TACC1: variants seen among roughly 807,000 people sequenced by gnomAD.
TACC1 encodes transforming acidic coiled-coil containing protein 1, also known as transforming acidic coiled-coil-containing protein 1.
A neutral mutation model predicts 84.4 loss-of-function variants in TACC1; 48 were observed. The observed-to-expected ratio is 0.57, with a 90% CI of 0.45 to 0.72. The LOEUF is 0.72. Among genes scored for constraint, TACC1 ranks in the 30% least tolerant of loss-of-function variants. The pLI, the probability that TACC1 is intolerant of heterozygous loss-of-function variation, is 0.00. For synonymous variants in TACC1, 372 were observed against 376.3 expected, an observed-to-expected ratio of 0.99 and a Z score of 0.13; for missense variants, 920 against 973.0, an observed-to-expected ratio of 0.95 and a Z score of 0.72.
At chr8:38,819,274 T>A (rs545476818) in intron 2 of TACC1, among the ~76,000 whole-genome samples, 1 of 152,354 alleles carries the variant, frequency 6.6e-6, no homozygotes, top group South Asian at 2.1e-4. Flanking sequence ...AATAGCTCTT[T>A]TGGTGTACTT....
chr8:38,837,516 C>T (rs571595336), intron 7 of TACC1, among the ~76,000 whole-genome samples: 9 of 152,192 alleles, frequency 5.9e-5, no homozygotes, highest in Middle Eastern at 3.2e-3. Context: ...GCCTCGAACT[C>T]CTAGGGTCAA....
intron 1 of TACC1, among the ~76,000 whole-genome samples, chr8:38,728,884 C>T (rs918796030): frequency 2.6e-5 from 4 of 152,154 alleles, no homozygotes; most frequent in Non-Finnish European, 4.4e-5. Context: ...TCTGGAACCA[C>T]GTATTTTGTT....
At chr8:38,808,596 G>A (rs770339841) in intron 2 of TACC1, among the ~76,000 whole-genome samples, 9 of 152,132 alleles carry the variant, frequency 5.9e-5, no homozygotes, top group African/African-American at 1.2e-4. Flanking sequence ...TTTATTTTTT[G>A]TAGAGATGGG....
intron 1 of TACC1, among the ~76,000 whole-genome samples, chr8:38,731,145 C>T (rs1435462242): frequency 6.9e-6 from 1 of 145,850 alleles, no homozygotes; most frequent in Non-Finnish European, 1.5e-5. Flanking sequence ...CCCTATGTTG[C>T]CCAGGCTGGT....
Position 38,820,446 on chromosome 8 carries a change from C to G in TACC1, c.1202C>G (p.Ser401Cys), listed in dbSNP as rs759126531. 6.2e-7 allele frequency: 1 copy of G among 1,614,218 alleles called. No homozygotes were observed. The highest frequency in any genetic ancestry group is 8.5e-7 in the Non-Finnish European group (1 of 1,180,018). The change falls in exon 3 of 13, where the codon TCT becomes TGT. Residue 401 changes from serine (S) to cysteine (C), a missense_variant. Around this residue, in one of 2 missense-constraint regions of TACC1, gnomAD observed 762 missense variants for 747.3 expected, o/e 1.02. Coordinates refer to ENST00000317827, the MANE Select transcript of TACC1 (RefSeq NM_006283.3). ...SPSFNPFGSH[S>C]VLQNSPPLSS... is the part of the protein sequence containing the mutation. ...AGCTTCAACCCCTTTGGGAGCCACT[C>G]TGTTCTGCAGAACTCCCCACCCCTC...
rs1358819048 is a variant in TACC1, at chr8:38,852,068, G to C, written c.*4045G>C. On this transcript the variant is annotated 3_prime_UTR_variant, in exon 13 of 13. Coordinates refer to ENST00000317827, the MANE Select transcript of TACC1 (RefSeq NM_006283.3). ...GGATCTCCTCTGGAAGAGACTATCA[G>C]CGGCAGCATTCTCCAGGGAAGACCC... 1.2e-5 allele frequency: 5 copies of C among 412,078 alleles called. No individual in the cohort carries two copies. Among genetic ancestry groups the C allele is most frequent in the Non-Finnish European group, 2.5e-5 (5 of 202,146 alleles). 25.5% of individuals were successfully genotyped at this position (412,078 alleles called of 1,614,324 possible). A position where few individuals can be genotyped will look rare whatever the true frequency, so the allele number is the denominator to read the frequency against.
chr8:38,804,314 T>G (rs1822130385), intron 2 of TACC1, among the ~76,000 whole-genome samples: 1 of 152,176 alleles, frequency 6.6e-6, no homozygotes, highest in Non-Finnish European at 1.5e-5. Context: ...TTTTTTTCTT[T>G]TTGGGATGGA....
chr8:38,813,645 G>A (rs1303079490), intron 2 of TACC1, among the ~76,000 whole-genome samples: 2 of 152,168 alleles, frequency 1.3e-5, no homozygotes, highest in African/African-American at 2.4e-5. Flanking sequence ...TGGTTGCTCA[G>A]GTAGGTCTCT....
At chr8:38,794,878 C>G (rs1027407133) in intron 2 of TACC1, among the ~76,000 whole-genome samples, 1 of 152,184 alleles carries the variant, frequency 6.6e-6, no homozygotes, top group East Asian at 1.9e-4. Context: ...TCAACAGCAT[C>G]GCAGCCTAAT....
In TACC1 at chr8:38,838,470, A is replaced by G. The variant is rs372334215; in HGVS notation, c.1840A>G (p.Ile614Val). ...AAAACTAAGCTTTATTGTACTCTAG[A>G]TAATTACTAAAGAGATTGAAGCAAA... ...TAVLTLIREE[I>V]ITKEIEANEW... is the part of the protein sequence containing the mutation. Residue 614 changes from isoleucine to valine, a missense_variant and splice_region_variant, in exon 8 of 13, where the codon ATA (isoleucine) becomes GTA (valine). By Grantham distance (29) the Ile-to-Val change is conservative. Coordinates refer to ENST00000317827, the MANE Select transcript of TACC1 (RefSeq NM_006283.3). 6 of 1,610,858 alleles carry G rather than the reference A, an allele frequency of 3.7e-6. No homozygotes were observed. The highest frequency in any genetic ancestry group is 5.1e-6 in the Non-Finnish European group (6 of 1,177,204).
rs191422632 is a variant in TACC1, at chr8:38,809,485, G to A, written c.278-10037G>A. Among the ~76,000 whole-genome samples the A allele has an allele frequency of 2.8e-3, 426 of 152,202 alleles. 3 individuals carry two copies. Among genetic ancestry groups the A allele is most frequent in the Non-Finnish European group, 5.3e-3 (359 of 68,004 alleles). ...CGGCTTTGCCCCATCACTGATTGGT[G>A]CACACCCCCTTTTGAGAATCTCAGG... is the stretch of plus-strand genomic sequence containing the variant. On this transcript the variant is annotated intron_variant, in intron 2 of 12. Coordinates refer to ENST00000317827, the MANE Select transcript of TACC1 (RefSeq NM_006283.3).
intron 6 of TACC1, among the ~76,000 whole-genome samples, chr8:38,833,109 A>G (rs1829581894): frequency 6.6e-6 from 1 of 152,256 alleles, no homozygotes; most frequent in Non-Finnish European, 1.5e-5. Context: ...TCTTCTGGCC[A>G]ATTCTCTGTG....
intron 1 of TACC1, among the ~76,000 whole-genome samples, chr8:38,733,193 A>G (rs746033139): frequency 2.6e-5 from 4 of 151,852 alleles, no homozygotes; most frequent in African/African-American, 9.7e-5. Context: ...TCTTTTTTCC[A>G]GAGATCTCAG....
In TACC1 at chr8:38,848,104, A is replaced by C; in HGVS notation, c.*81A>C. 7.4e-7 allele frequency: 1 copy of C among 1,360,362 alleles called. No homozygotes were observed. The highest frequency in any genetic ancestry group is 1.0e-6 in the Non-Finnish European group (1 of 976,480). 84.3% of individuals were successfully genotyped at this position (1,360,362 alleles called of 1,614,324 possible). A position where few individuals can be genotyped will look rare whatever the true frequency, so the allele number is the denominator to read the frequency against. ...CAATTATCTTGCCTTATCCAGGAATAATTGCCCCTTTGCAGAGAAAAAAAA... is the reference window on the plus strand; with the variant it reads ...CAATTATCTTGCCTTATCCAGGAATCATTGCCCCTTTGCAGAGAAAAAAAA... On this transcript the variant is annotated 3_prime_UTR_variant, in exon 13 of 13. Transcript: ENST00000317827.
At chr8:38,791,159 T>A (rs576434296) in intron 2 of TACC1, among the ~76,000 whole-genome samples, 1 of 152,284 alleles carries the variant, frequency 6.6e-6, no homozygotes, top group African/African-American at 2.4e-5. Context: ...CGCCAGATTC[T>A]TTGCCAATTG....
chr8:38,851,774 G>A lies in TACC1; in HGVS notation c.*3751G>A, dbSNP rs772365967. The A allele has an allele frequency of 2.9e-6, 1 of 350,850 alleles. No individual in the cohort carries two copies. The highest frequency in any genetic ancestry group is 2.1e-5 in the African/African-American group (1 of 46,872). 21.7% of individuals were successfully genotyped at this position (350,850 alleles called of 1,614,324 possible). A position where few individuals can be genotyped will look rare whatever the true frequency, so the allele number is the denominator to read the frequency against. ...AAGCGAGGGATTTTAAAGTAAAGATGTATTTATTCTGAAGAATCTAAAAGA... is the reference window on the plus strand; with the variant it reads ...AAGCGAGGGATTTTAAAGTAAAGATATATTTATTCTGAAGAATCTAAAAGA... On this transcript the variant is annotated 3_prime_UTR_variant, in exon 13 of 13. Transcript: ENST00000317827.
At chr8:38,764,159 C>A (rs1252228967) in intron 3 of TACC1, among the ~76,000 whole-genome samples, 1 of 152,142 alleles carries the variant, frequency 6.6e-6, no homozygotes, top group Non-Finnish European at 1.5e-5. Context: ...CTCACTGCAA[C>A]CTCCACCTTC....
rs1410358042 is a variant in TACC1 at position 38,852,058 on chromosome 8, GAGACTATCAGCGGC to G, written c.*4038_*4051del. The stretch of plus-strand genomic sequence containing the variant: ...TCCTCTCAAAGGATCTCCTCTGGAA[GAGACTATCAGCGGC>G]AGCATTCTCCAGGGAAGACCCATCC... On this transcript the variant is annotated 3_prime_UTR_variant, in exon 13 of 13. Coordinates refer to ENST00000317827, the MANE Select transcript of TACC1 (RefSeq NM_006283.3). The G allele has an allele frequency of 2.3e-6, 1 of 428,416 alleles. No homozygotes were observed. Among genetic ancestry groups the G allele is most frequent in the East Asian group, 7.1e-5 (1 of 14,036 alleles). The allele number at this position is 428,416 out of a possible 1,614,324, so 26.5% of individuals were successfully genotyped here. A position where few individuals can be genotyped will look rare whatever the true frequency, so the allele number is the denominator to read the frequency against.
At position 38,787,534 on chromosome 8, in the gene TACC1, C is replaced by T. The variant is rs770392454; in HGVS notation, c.-49C>T. On this transcript the variant is annotated 5_prime_UTR_variant, in exon 1 of 13. Coordinates refer to ENST00000317827, the MANE Select transcript of TACC1 (RefSeq NM_006283.3). ...CATTTTGAAAGGGAAAAAGGCTCTCCCCACCCATTCCCCTGCCCCTAGGAG... is the reference window on the plus strand; with the variant it reads ...CATTTTGAAAGGGAAAAAGGCTCTCTCCACCCATTCCCCTGCCCCTAGGAG... The T allele has an allele frequency of 6.7e-7, 1 of 1,482,814 alleles. No individual in the cohort carries two copies. 91.9% of individuals were successfully genotyped at this position (1,482,814 alleles called of 1,614,324 possible). A position where few individuals can be genotyped will look rare whatever the true frequency, so the allele number is the denominator to read the frequency against.
Sources: allele counts gnomAD v4.1 joint callset (sites outside exome capture counted in the v4.1 genomes callset), GRCh38; gene constraint gnomAD v4.1.1; regional missense constraint gnomAD v4.1.1; transcripts MANE v1.5; gene names NCBI Gene and HGNC (gene_info 2026-07-23, HGNC 2026-07-21).